NOSTRIN: variants seen among roughly 807,000 people sequenced by gnomAD.
NOSTRIN encodes nitric oxide synthase trafficking, also known as BM247 homolog.
A neutral mutation model predicts 59.0 loss-of-function variants in NOSTRIN; 63 were observed. The observed-to-expected ratio is 1.07, with a 90% CI of 0.87 to 1.32. The LOEUF is 1.32. NOSTRIN is among the 40% of genes most tolerant of loss of function. The pLI is 0.00. For missense variants in NOSTRIN, 512 were observed against 473.1 expected (o/e 1.08, Z -0.76); for synonymous variants, 200 against 165.4 (o/e 1.21, Z -1.61).
At chr2:168,824,795 G>GTTTTTTA in intron 3 of NOSTRIN, 78 bp downstream of exon 3, 1 of 311,140 alleles carries the variant, frequency 3.2e-6, no homozygotes. Context: ...TTTGTTTTTT[G>GTTTTTTA]AGACAGGGTC....
chr2:168,830,821 C>A (rs1441926730), intron 5 of NOSTRIN, among the ~76,000 whole-genome samples: 1 of 152,148 alleles, frequency 6.6e-6, no homozygotes, highest in Non-Finnish European at 1.5e-5. Context: ...GTTTTTGCTG[C>A]ATGGATTGAC....
chr2:168,838,456 T>C (rs1687866866), intron 7 of NOSTRIN, among the ~76,000 whole-genome samples: 1 of 152,168 alleles, frequency 6.6e-6, no homozygotes, highest in South Asian at 2.1e-4. Flanking sequence ...GCCAGGCTGG[T>C]CTCGAACTCC....
At chr2:168,842,355 C>T (rs1559129755) in intron 7 of NOSTRIN, among the ~76,000 whole-genome samples, 4 of 152,020 alleles carry the variant, frequency 2.6e-5, no homozygotes, top group Admixed American at 1.3e-4. Flanking sequence ...CAAAGCAACC[C>T]GGTATGTATT....
intron 10 of NOSTRIN, among the ~76,000 whole-genome samples, chr2:168,854,089 G>A (rs1688937175): frequency 6.6e-6 from 1 of 152,052 alleles, no homozygotes; most frequent in African/African-American, 2.4e-5. Flanking sequence ...GGCTGGTCTC[G>A]AACTCCTGAC....
At chr2:168,826,458 C>T (rs1259815476) in intron 3 of NOSTRIN, among the ~76,000 whole-genome samples, 1 of 152,052 alleles carries the variant, frequency 6.6e-6, no homozygotes, top group African/African-American at 2.4e-5. Flanking sequence ...CCCTCCCTTC[C>T]TCCCTTGCTT....
intron 2 of NOSTRIN, among the ~76,000 whole-genome samples, chr2:168,815,273 CT>C (rs944111474): frequency 6.6e-5 from 10 of 152,216 alleles, no homozygotes; most frequent in Non-Finnish European, 1.5e-4. Context: ...ACCTCAGCTT[CT>C]TTTTTTGCAG....
intron 10 of NOSTRIN, among the ~76,000 whole-genome samples, chr2:168,852,168 C>G (rs947719653): frequency 5.9e-5 from 9 of 152,136 alleles, no homozygotes; most frequent in Admixed American, 5.2e-4. Flanking sequence ...GTAAGTGCAG[C>G]CCATACTCAA....
chr2:168,787,213 G>A (rs1004791132), intron 1 of NOSTRIN, among the ~76,000 whole-genome samples: 1 of 152,254 alleles, frequency 6.6e-6, no homozygotes, highest in East Asian at 1.9e-4. Flanking sequence ...AGGGCATAGC[G>A]TGAAGCAGTG....
intron 3 of NOSTRIN, 140 bp from the exon 4 acceptor site, chr2:168,828,018 A>T (rs572855940): frequency 2.3e-4 from 152 of 674,680 alleles, no homozygotes; most frequent in Non-Finnish European, 3.4e-4. Context: ...AATCTCATAG[A>T]GAAATTGAAA....
chr2:168,856,808 T>A, intron 12 of NOSTRIN, 30 bp downstream of exon 12: 3 of 1,595,290 alleles, frequency 1.9e-6, no homozygotes, highest in Non-Finnish European at 2.6e-6. Context: ...ATTTCCTAGA[T>A]GTAGTGATGA....
chr2:168,792,592 G>A (rs1288113599), intron 2 of NOSTRIN, among the ~76,000 whole-genome samples: 1 of 152,034 alleles, frequency 6.6e-6, no homozygotes, highest in Non-Finnish European at 1.5e-5. Context: ...TGGGACTACA[G>A]GTGCTTAACA....
Position 168,861,982 on chromosome 2 carries a change from C to CA in NOSTRIN, c.1318dup (p.Ser440LysfsTer16). 1 of 1,614,212 alleles carries CA rather than the reference C, an allele frequency of 6.2e-7. No individual in the cohort carries two copies. Among genetic ancestry groups the CA allele is most frequent in the Non-Finnish European group, 8.5e-7 (1 of 1,180,018 alleles). ...CAGCCCCTGGTGCAGCCCAGCTCAGCAGCAGACTTTGCAAGGCCTTGTATT... is the reference window on the plus strand; with the variant it reads ...CAGCCCCTGGTGCAGCCCAGCTCAGCAAGCAGACTTTGCAAGGCCTTGTATT... On this transcript the variant is annotated frameshift_variant, in exon 15 of 16. Transcript: ENST00000317647. LOFTEE classifies it high-confidence loss of function.
intron 1 of NOSTRIN, among the ~76,000 whole-genome samples, chr2:168,807,187 C>A (rs1685897652): frequency 6.6e-6 from 1 of 152,056 alleles, no homozygotes; most frequent in South Asian, 2.1e-4. Context: ...AGGAGTGAGA[C>A]AACCAAAACT....
upstream of NOSTRIN, among the ~76,000 whole-genome samples, chr2:168,801,899 T>G (rs1685624508): frequency 2.0e-5 from 3 of 152,196 alleles, 1 homozygote; most frequent in Non-Finnish European, 4.4e-5. Context: ...AGCCTCTTGA[T>G]CCTGTTGGGG....
intron 1 of NOSTRIN, 39 bp from the exon 2 acceptor site, chr2:168,811,528 C>T: frequency 2.8e-6 from 2 of 726,264 alleles, no homozygotes; most frequent in Non-Finnish European, 4.8e-6. Context: ...TCGTAATCTT[C>T]CTGTTCATTG....
At chr2:168,840,666 T>A (rs1014062918) in intron 7 of NOSTRIN, among the ~76,000 whole-genome samples, 10 of 152,096 alleles carry the variant, frequency 6.6e-5, no homozygotes, top group Non-Finnish European at 1.3e-4. Flanking sequence ...ACATTTTGGA[T>A]GAATGTTTTT....
chr2:168,842,855 C>A, intron 7 of NOSTRIN, 137 bp from the exon 8 acceptor site: 1 of 640,026 alleles, frequency 1.6e-6, no homozygotes, highest in Non-Finnish European at 2.7e-6. Flanking sequence ...TTCATTTTGT[C>A]AACTATAGTC....
intron 2 of NOSTRIN, among the ~76,000 whole-genome samples, chr2:168,789,704 C>A (rs546603443): frequency 3.3e-5 from 5 of 152,256 alleles, no homozygotes; most frequent in African/African-American, 7.2e-5. Context: ...ACTATCACAA[C>A]CAATGCCATG....
chr2:168,811,679 G>C (rs371981545), intron 2 of NOSTRIN, 27 bp downstream of exon 2: 1 of 813,772 alleles, frequency 1.2e-6, no homozygotes, highest in African/African-American at 1.7e-5. Flanking sequence ...TGCAATAAAT[G>C]GTTCTTCCTC....
Sources: gnomAD v4.1 joint callset for allele counts (sites outside exome capture counted in the v4.1 genomes callset) on GRCh38, gnomAD v4.1.1 for gene constraint, MANE v1.5 for transcripts, NCBI Gene and HGNC (gene_info 2026-07-23, HGNC 2026-07-21) for gene names.